The following DPYSL3 variants were observed in gnomAD, a reference collection of about 807,000 sequenced individuals.
The protein encoded by DPYSL3 is dihydropyrimidinase like 3.
A neutral mutation model predicts 66.1 loss-of-function variants in DPYSL3; 16 were observed. The ratio of observed to expected loss-of-function variants is 0.24; its 90% confidence interval spans 0.16 to 0.37. DPYSL3 has a LOEUF of 0.37. Ranked by LOEUF, DPYSL3 falls within the 10% of genes least tolerant of loss-of-function variation. The pLI is 1.00. For synonymous variants in DPYSL3, 338 were observed against 345.1 expected, an observed-to-expected ratio of 0.98 and a Z score of 0.23; for missense variants, 738 against 916.2, an observed-to-expected ratio of 0.81 and a Z score of 2.51.
In DPYSL3 at chr5:147,477,628, TGC is replaced by T. The variant is rs532516631; in HGVS notation, c.381+31848_381+31849del. On this transcript the variant is annotated intron_variant, in intron 1 of 13. Transcript: ENST00000343218. ...TCTCGCTCTGTCGCCCAGGCCGGAC[TGC>T]GGACTGCAGTGGCGCAATCTCGGCT... Among the ~76,000 whole-genome samples the T allele has an allele frequency of 0.014, 1,807 of 125,168 alleles. 134 individuals carry two copies. The East Asian group carries it at 0.26, about 18-fold the overall frequency. 82.1% of individuals were successfully genotyped at this position (125,168 alleles called of 152,430 possible).
chr5:147,400,246 C>T (rs892190292), intron 10 of DPYSL3, among the ~76,000 whole-genome samples: 1 of 152,168 alleles, frequency 6.6e-6, no homozygotes, highest in African/African-American at 2.4e-5. Context: ...ACTTGTATCG[C>T]CTGAATGACC....
At chr5:147,437,774 G>T (rs1323387507) in intron 1 of DPYSL3, among the ~76,000 whole-genome samples, 1 of 152,174 alleles carries the variant, frequency 6.6e-6, no homozygotes, top group African/African-American at 2.4e-5. Context: ...CTGATGGAAT[G>T]GTGGGAAAGA....
chr5:147,487,869 C>T (rs1181703318), intron 1 of DPYSL3, among the ~76,000 whole-genome samples: 1 of 152,130 alleles, frequency 6.6e-6, no homozygotes. Context: ...TTTTGAACTC[C>T]CCACATCCCA....
At chr5:147,419,287 G>A (rs548881826) in intron 2 of DPYSL3, among the ~76,000 whole-genome samples, 9 of 152,248 alleles carry the variant, frequency 5.9e-5, no homozygotes, top group African/African-American at 1.7e-4. Context: ...CAGTGTCCCA[G>A]TAGAAGCTTT....
intron 1 of DPYSL3, among the ~76,000 whole-genome samples, chr5:147,484,254 C>G (rs1478992584): frequency 6.6e-6 from 1 of 152,202 alleles, no homozygotes; most frequent in African/African-American, 2.4e-5. Flanking sequence ...ATCCTCCTCC[C>G]CTTCACCAAA....
At chr5:147,453,682 G>A (rs1752788428) in intron 1 of DPYSL3, 2 of 1,441,198 alleles carry the variant, frequency 1.4e-6, no homozygotes, top group Admixed American at 2.4e-5. Flanking sequence ...CCGAGATCAG[G>A]TGGAGTGAAT....
At chr5:147,447,735 T>G (rs1440689912) in intron 1 of DPYSL3, among the ~76,000 whole-genome samples, 1 of 152,158 alleles carries the variant, frequency 6.6e-6, no homozygotes, top group Non-Finnish European at 1.5e-5. Context: ...CTGGGCATGG[T>G]GGCACATGTC....
chr5:147,406,881 TAG>T (rs1442163582), intron 7 of DPYSL3, among the ~76,000 whole-genome samples: 1 of 152,238 alleles, frequency 6.6e-6, no homozygotes, highest in African/African-American at 2.4e-5. Context: ...ATTGTGGGTG[TAG>T]CTCAGCAGAC....
rs372399159 is a variant in DPYSL3, at chr5:147,401,602, C to T, written c.1248G>A (p.Val416=). Residue 416 remains valine, a synonymous_variant, in exon 9 of 14, where the codon GTG becomes GTA. Transcript: ENST00000343218. ...SKNWAKAAAF[V]TSPPLSPDPT... is the part of the protein sequence containing the mutation. ...GGTCAGGGCTCAGGGGTGGGGATGT[C>T]ACAAATGCAGCCGCCTTGGCCCAGT... is the stretch of plus-strand genomic sequence containing the variant. 8 of 1,613,840 alleles carry T rather than the reference C, an allele frequency of 5.0e-6. No homozygotes were observed. The Admixed American group carries it at 1.2e-4, about 24-fold the overall frequency.
intron 1 of DPYSL3, among the ~76,000 whole-genome samples, chr5:147,461,195 T>A (rs1752925876): frequency 6.6e-6 from 1 of 151,998 alleles, no homozygotes; most frequent in South Asian, 2.1e-4. Context: ...ATGTGTACAG[T>A]AAAGGAATAA....
intron 1 of DPYSL3, among the ~76,000 whole-genome samples, chr5:147,478,863 A>G (rs1753198810): frequency 6.6e-6 from 1 of 152,176 alleles, no homozygotes; most frequent in African/African-American, 2.4e-5. Flanking sequence ...TGTGTCAGGG[A>G]AAGTGTCAGC....
intron 1 of DPYSL3, among the ~76,000 whole-genome samples, chr5:147,470,573 C>T (rs1753071348): frequency 6.6e-6 from 1 of 152,140 alleles, no homozygotes; most frequent in Non-Finnish European, 1.5e-5. Flanking sequence ...TATTCTCAGA[C>T]TAAAACTCAA....
intron 1 of DPYSL3, among the ~76,000 whole-genome samples, chr5:147,443,151 T>C (rs1485095048): frequency 1.3e-5 from 2 of 152,200 alleles, no homozygotes; most frequent in Non-Finnish European, 2.9e-5. Context: ...ACTGGGTATA[T>C]ACCCAAAGAA....
chr5:147,452,092 G>A (rs1752740163), intron 1 of DPYSL3, among the ~76,000 whole-genome samples: 1 of 152,198 alleles, frequency 6.6e-6, no homozygotes, highest in Non-Finnish European at 1.5e-5. Flanking sequence ...AAGCTGGTAG[G>A]GGTGGGGTGC....
intron 1 of DPYSL3, among the ~76,000 whole-genome samples, chr5:147,505,534 C>T (rs1238751408): frequency 3.3e-5 from 5 of 152,128 alleles, no homozygotes; most frequent in African/African-American, 7.2e-5. Context: ...CCACTCCCAG[C>T]CTATTATTTT....
chr5:147,491,021 C>T (rs1336440194), intron 1 of DPYSL3, among the ~76,000 whole-genome samples: 1 of 152,174 alleles, frequency 6.6e-6, no homozygotes, highest in Non-Finnish European at 1.5e-5. Context: ...GCATGCTGTT[C>T]ATAGGAACAA....
chr5:147,429,420 T>C (rs1581189584), intron 1 of DPYSL3, among the ~76,000 whole-genome samples: 2 of 152,274 alleles, frequency 1.3e-5, no homozygotes, highest in Non-Finnish European at 1.5e-5. Context: ...TCGTTTTTTT[T>C]CATCAGCCCA....
chr5:147,463,956 G>T (rs1752971522), intron 1 of DPYSL3, among the ~76,000 whole-genome samples: 1 of 152,044 alleles, frequency 6.6e-6, no homozygotes, highest in African/African-American at 2.4e-5. Flanking sequence ...CACTATTTGA[G>T]GGCTTAAGGA....
chr5:147,478,244 A>G (rs1340108558), intron 1 of DPYSL3, among the ~76,000 whole-genome samples: 1 of 152,206 alleles, frequency 6.6e-6, no homozygotes, highest in African/African-American at 2.4e-5. Context: ...CAGCTTATAC[A>G]CATTAATATC....
Sources: gnomAD v4.1 joint callset for allele counts (sites outside exome capture counted in the v4.1 genomes callset) on GRCh38, gnomAD v4.1.1 for gene constraint, MANE v1.5 for transcripts, NCBI Gene and HGNC (gene_info 2026-07-23, HGNC 2026-07-21) for gene names.